The following PSD3 variants were observed in gnomAD, a reference collection of about 807,000 sequenced individuals.
PSD3 encodes the protein pleckstrin and Sec7 domain containing 3.
In PSD3, 49 loss-of-function variants were observed where a neutral mutation model predicts 105.5. The ratio of observed to expected loss-of-function variants is 0.46; its 90% CI spans 0.37 to 0.59. The LOEUF (loss-of-function observed/expected upper bound fraction) is 0.59. Ranked by LOEUF, PSD3 falls within the 20% of genes least tolerant of loss-of-function variation. The probability of loss-of-function intolerance (pLI) is 0.00; values close to 1 mark genes in which losing one functional copy is unlikely to be tolerated. For synonymous variants in PSD3, 557 were observed against 457.8 expected, an observed-to-expected ratio of 1.22 and a Z score of -2.77; for missense variants, 1,561 against 1,263.8, an observed-to-expected ratio of 1.24 and a Z score of -3.57.
intron 1 of PSD3, among the ~76,000 whole-genome samples, chr8:19,007,075 C>A (rs543657500): frequency 1.3e-4 from 19 of 151,976 alleles, no homozygotes; most frequent in Non-Finnish European, 2.4e-4. Context: ...GCTAACATGG[C>A]GAAACCCCGT....
chr8:18,759,092 A>ACACTCT (rs756248977), intron 9 of PSD3, among the ~76,000 whole-genome samples: 290 of 143,948 alleles, frequency 2.0e-3, no homozygotes, highest in African/African-American at 7.0e-3. Flanking sequence ...ACACACACAC[A>ACACTCT]CTCTCTCTCT....
chr8:18,817,114 TAA>T (rs1812282023), intron 4 of PSD3, among the ~76,000 whole-genome samples: 2 of 152,092 alleles, frequency 1.3e-5, no homozygotes, highest in Admixed American at 1.3e-4. Context: ...GAAGAGGAGT[TAA>T]AGAGTCCCAA....
At chr8:18,937,641 T>C (rs970491453) in intron 1 of PSD3, among the ~76,000 whole-genome samples, 4 of 152,254 alleles carry the variant, frequency 2.6e-5, no homozygotes, top group Non-Finnish European at 2.9e-5. Flanking sequence ...GTCAAATGTA[T>C]CGGTCTGAAA....
intron 1 of PSD3, among the ~76,000 whole-genome samples, chr8:19,053,464 A>G (rs1295569951): frequency 6.6e-6 from 1 of 152,198 alleles, no homozygotes; most frequent in African/African-American, 2.4e-5. Context: ...GGAAACAAAG[A>G]GACTTAAGAT....
chr8:19,078,896 C>A (rs1215639339), intron 1 of PSD3, among the ~76,000 whole-genome samples: 1 of 151,356 alleles, frequency 6.6e-6, no homozygotes, highest in Non-Finnish European at 1.5e-5. Context: ...AATGGGCAAG[C>A]AGAAGATAGC....
intron 10 of PSD3, among the ~76,000 whole-genome samples, chr8:18,635,114 C>T (rs1807161477): frequency 1.3e-5 from 2 of 152,070 alleles, no homozygotes; most frequent in Non-Finnish European, 2.9e-5. Context: ...TAAATTTTTG[C>T]AGCTTTGGCC....
chr8:19,041,183 C>A (rs990061092), intron 1 of PSD3, among the ~76,000 whole-genome samples: 2 of 152,176 alleles, frequency 1.3e-5, no homozygotes, highest in Non-Finnish European at 2.9e-5. Context: ...AGGTGTAAGC[C>A]ACCACACCCA....
At chr8:19,034,463 C>A (rs932218043) in intron 1 of PSD3, among the ~76,000 whole-genome samples, 2 of 152,278 alleles carry the variant, frequency 1.3e-5, no homozygotes, top group South Asian at 2.1e-4. Context: ...TTCATTACTT[C>A]CCGTGCCAGA....
intron 11 of PSD3, among the ~76,000 whole-genome samples, chr8:18,606,657 G>A (rs1284522722): frequency 2.6e-5 from 4 of 152,088 alleles, no homozygotes; most frequent in African/African-American, 4.8e-5. Context: ...ATTGCAGAGT[G>A]AGAACAAGGA....
chr8:18,610,667 G>A (rs1419693925), intron 11 of PSD3, among the ~76,000 whole-genome samples: 2 of 151,960 alleles, frequency 1.3e-5, no homozygotes, highest in Admixed American at 6.6e-5. Flanking sequence ...TTATATAATA[G>A]CAACCAATGC....
chr8:18,789,376 C>A (rs1278325382), intron 8 of PSD3, among the ~76,000 whole-genome samples: 2 of 152,090 alleles, frequency 1.3e-5, no homozygotes, highest in African/African-American at 4.8e-5. Flanking sequence ...AGACTAGCAA[C>A]AATTTTAAGT....
chr8:18,689,853 C>A (rs147718462), intron 9 of PSD3, among the ~76,000 whole-genome samples: 5 of 152,236 alleles, frequency 3.3e-5, no homozygotes, highest in Middle Eastern at 3.4e-3. Context: ...CTGGGAGAGG[C>A]CTCAGCAAGA....
At chr8:18,905,814 G>A (rs537703990) in intron 2 of PSD3, among the ~76,000 whole-genome samples, 125 of 152,028 alleles carry the variant, frequency 8.2e-4, no homozygotes, top group East Asian at 7.4e-3. Context: ...AATAATTCAC[G>A]AATATAGGCC....
intron 8 of PSD3, among the ~76,000 whole-genome samples, chr8:18,787,044 A>T (rs1809233161): frequency 6.6e-6 from 1 of 152,214 alleles, no homozygotes; most frequent in South Asian, 2.1e-4. Flanking sequence ...GGCTGTCTCA[A>T]TTATTTTAAA....
Position 18,648,057 on chromosome 8 carries a change from T to C in PSD3, c.2216+7585A>G, listed in dbSNP as rs115910922. 7.1e-3 allele frequency among the ~76,000 whole-genome samples: 1,074 copies of C among 152,326 alleles called. 15 individuals carry two copies. The highest frequency in any genetic ancestry group is 0.024 in the African/African-American group (1,000 of 41,578). On this transcript the variant is annotated intron_variant, in intron 10 of 15. Transcript: ENST00000327040. The stretch of plus-strand genomic sequence containing the variant: ...TTCTTTTTATATAAATTACCCAGTC[T>C]CAGGTATCCTTTATGGCAGTGCCAG...
intron 1 of PSD3, among the ~76,000 whole-genome samples, chr8:18,996,822 C>T (rs1413840885): frequency 6.6e-6 from 1 of 151,830 alleles, no homozygotes; most frequent in East Asian, 1.9e-4. Flanking sequence ...ACATTTGGTC[C>T]CCACTACTAC....
intron 1 of PSD3, chr8:18,999,925 C>A (rs1291966899): frequency 6.6e-6 from 1 of 151,296 alleles, no homozygotes; most frequent in Non-Finnish European, 1.5e-5. Context: ...TTCCTCTAGG[C>A]CTGTCAAGTT....
chr8:18,878,420 C>G (rs946887643), intron 2 of PSD3, among the ~76,000 whole-genome samples: 1 of 152,162 alleles, frequency 6.6e-6, no homozygotes, highest in Non-Finnish European at 1.5e-5. Flanking sequence ...TCTTTCTAAT[C>G]AAGTCTCTGT....
Position 18,755,755 on chromosome 8 carries a change from A to ATT in PSD3, c.2172+9692_2172+9693dup, listed in dbSNP as rs59083090. Among the ~76,000 whole-genome samples the ATT allele has an allele frequency of 0.014, 1,959 of 143,636 alleles. 85 individuals are homozygous for ATT. In the East Asian group the frequency reaches 0.17, roughly 12 times the overall value. The allele number at this position is 143,636 out of a possible 152,430, so 94.2% of individuals were successfully genotyped here. A position where few individuals can be genotyped will look rare whatever the true frequency, so the allele number is the denominator to read the frequency against. On this transcript the variant is annotated intron_variant, in intron 9 of 15. Transcript: ENST00000327040. ...CATTGTAACAGACTTCTTTTTGGTA[A>ATT]TTTTTTTTTTTTTTTAAGAAAACAC... is the stretch of plus-strand genomic sequence containing the variant.
Sources: gnomAD v4.1 joint callset for allele counts (sites outside exome capture counted in the v4.1 genomes callset) on GRCh38, gnomAD v4.1.1 for gene constraint, MANE v1.5 for transcripts, NCBI Gene and HGNC (gene_info 2026-07-23, HGNC 2026-07-21) for gene names.